EXT1: variants seen among roughly 807,000 people sequenced by gnomAD.
EXT1 encodes the protein exostosin glycosyltransferase 1.
A neutral mutation model predicts 82.5 loss-of-function variants in EXT1; 20 were observed. The observed-to-expected ratio is 0.24, with a 90% confidence interval of 0.17 to 0.35. EXT1 has a LOEUF of 0.35. Ranked by LOEUF, EXT1 falls within the 10% of genes least tolerant of loss-of-function variation. The probability of loss-of-function intolerance (pLI) is 1.00; values close to 1 mark genes in which losing one functional copy is unlikely to be tolerated. For synonymous variants in EXT1, 348 were observed against 350.8 expected, an observed-to-expected ratio of 0.99 and a Z score of 0.09; for missense variants, 757 against 936.5, an observed-to-expected ratio of 0.81 and a Z score of 2.50.
At chr8:118,107,485 C>T (rs1053154368) in intron 1 of EXT1, among the ~76,000 whole-genome samples, 2 of 152,174 alleles carry the variant, frequency 1.3e-5, no homozygotes, top group African/African-American at 4.8e-5. Flanking sequence ...CAGATCACGT[C>T]TACAGACCTA....
chr8:117,809,119 G>A (rs1176281921), intron 8 of EXT1, among the ~76,000 whole-genome samples: 1 of 151,044 alleles, frequency 6.6e-6, no homozygotes, highest in Non-Finnish European at 1.5e-5. Context: ...CCAGGATTAT[G>A]TGAGCCAATT....
intron 1 of EXT1, among the ~76,000 whole-genome samples, chr8:117,909,385 T>C (rs1161193483): frequency 6.6e-6 from 1 of 152,188 alleles, no homozygotes; most frequent in Non-Finnish European, 1.5e-5. Context: ...GATCAAATAG[T>C]ATGTAATAAA....
chr8:118,084,546 G>C (rs1455387862), intron 1 of EXT1, among the ~76,000 whole-genome samples: 1 of 152,190 alleles, frequency 6.6e-6, no homozygotes, highest in African/African-American at 2.4e-5. Context: ...AAGCCTGCCT[G>C]ACAGAGCATC....
intron 1 of EXT1, among the ~76,000 whole-genome samples, chr8:117,943,061 C>T (rs1814319651): frequency 6.6e-6 from 1 of 152,226 alleles, no homozygotes; most frequent in South Asian, 2.1e-4. Context: ...TTTCCAGTAG[C>T]TCTTTGAAAT....
At chr8:117,855,065 T>C (rs927057175) in intron 1 of EXT1, among the ~76,000 whole-genome samples, 1 of 152,238 alleles carries the variant, frequency 6.6e-6, no homozygotes, top group Admixed American at 6.5e-5. Context: ...GGCTTGTTTA[T>C]AGGTTTTCTG....
At chr8:117,826,758 T>C (rs1214422003) in intron 4 of EXT1, among the ~76,000 whole-genome samples, 1 of 152,082 alleles carries the variant, frequency 6.6e-6, no homozygotes, top group Middle Eastern at 3.2e-3. Context: ...TAAATTCGAA[T>C]GAAGTGTATG....
chr8:117,947,532 C>T (rs1220268541), intron 1 of EXT1, among the ~76,000 whole-genome samples: 1 of 152,138 alleles, frequency 6.6e-6, no homozygotes, highest in South Asian at 2.1e-4. Context: ...GACACTTTCA[C>T]CACAATCTCC....
intron 1 of EXT1, among the ~76,000 whole-genome samples, chr8:117,882,684 T>C (rs1813081118): frequency 6.6e-6 from 1 of 152,006 alleles, no homozygotes; most frequent in South Asian, 2.1e-4. Context: ...GGTATAAAAA[T>C]ATGATATGGC....
chr8:117,847,290 A>T (rs1812378047), intron 1 of EXT1, among the ~76,000 whole-genome samples: 1 of 152,190 alleles, frequency 6.6e-6, no homozygotes, highest in Non-Finnish European at 1.5e-5. Context: ...TCTTCCAAGA[A>T]TGAGTTCATT....
At chr8:117,929,077 A>G (rs1048169144) in intron 1 of EXT1, among the ~76,000 whole-genome samples, 4 of 152,204 alleles carry the variant, frequency 2.6e-5, no homozygotes, top group African/African-American at 9.6e-5. Context: ...GAAGACACAC[A>G]TCTCCTAAGT....
At chr8:117,934,233 C>T (rs934628029) in intron 1 of EXT1, among the ~76,000 whole-genome samples, 2 of 150,032 alleles carry the variant, frequency 1.3e-5, no homozygotes, top group African/African-American at 5.0e-5. Flanking sequence ...CCCAGCAGCA[C>T]TTAGCAAAAA....
At chr8:117,988,460 T>A (rs536207144) in intron 1 of EXT1, among the ~76,000 whole-genome samples, 1 of 152,280 alleles carries the variant, frequency 6.6e-6, no homozygotes, top group Admixed American at 6.5e-5. Context: ...TTAATAATTA[T>A]CTCAGGTGAT....
intron 1 of EXT1, among the ~76,000 whole-genome samples, chr8:117,861,641 C>T (rs1207814444): frequency 7.0e-6 from 1 of 142,878 alleles, no homozygotes; most frequent in Non-Finnish European, 1.6e-5. Context: ...ATTACAGATA[C>T]GTGCCACCAC....
intron 4 of EXT1, among the ~76,000 whole-genome samples, chr8:117,829,364 A>G (rs1050352028): frequency 1.3e-5 from 2 of 151,810 alleles, no homozygotes; most frequent in Admixed American, 1.3e-4. Flanking sequence ...TGCTTTCACA[A>G]ATTTAACACT....
At chr8:118,081,850 C>T (rs1258701415) in intron 1 of EXT1, among the ~76,000 whole-genome samples, 1 of 152,208 alleles carries the variant, frequency 6.6e-6, no homozygotes, top group African/African-American at 2.4e-5. Context: ...CCATTTTCTC[C>T]TCTTTCAACC....
intron 1 of EXT1, among the ~76,000 whole-genome samples, chr8:118,066,541 A>C (rs1266323596): frequency 6.6e-6 from 1 of 151,880 alleles, no homozygotes; most frequent in Non-Finnish European, 1.5e-5. Context: ...TTGTATTCTT[A>C]GTAGAGATGG....
intron 1 of EXT1, among the ~76,000 whole-genome samples, chr8:117,864,667 T>C (rs964724567): frequency 2.0e-5 from 3 of 147,386 alleles, no homozygotes; most frequent in African/African-American, 5.0e-5. Flanking sequence ...GAGAATGGCG[T>C]GAACCCAGGA....
In EXT1 at chr8:117,971,893, G is replaced by A. The variant is rs1330123486; in HGVS notation, c.963-134692C>T. Among the ~76,000 whole-genome samples, 4 of 152,312 alleles carry A rather than the reference G, an allele frequency of 2.6e-5. 1 individual carries two copies. In the South Asian group the frequency reaches 6.2e-4, roughly 24 times the overall value. Reference sequence around the variant, plus strand: ...AGACCGGGTGCGGTGGCTCACGCCTGTAATCCCAGCACTTTGGGAGGCCAA... The same window carrying A: ...AGACCGGGTGCGGTGGCTCACGCCTATAATCCCAGCACTTTGGGAGGCCAA... On this transcript the variant is annotated intron_variant, in intron 1 of 10. Coordinates refer to ENST00000378204, the MANE Select transcript of EXT1 (RefSeq NM_000127.3).
intron 1 of EXT1, among the ~76,000 whole-genome samples, chr8:118,058,707 T>C (rs1816833662): frequency 6.6e-6 from 1 of 152,238 alleles, no homozygotes; most frequent in Non-Finnish European, 1.5e-5. Context: ...CATAACATGA[T>C]ATAGATTAAA....
Sources: allele counts gnomAD v4.1 joint callset (sites outside exome capture counted in the v4.1 genomes callset), GRCh38; gene constraint gnomAD v4.1.1; transcripts MANE v1.5; gene names NCBI Gene and HGNC (gene_info 2026-07-23, HGNC 2026-07-21).